ARMH4: variants seen among roughly 807,000 people sequenced by gnomAD.
The protein encoded by ARMH4 is armadillo like helical domain containing 4.
Under a neutral mutation model 61.9 loss-of-function variants are expected in ARMH4, and 49 were observed. That is an observed-to-expected ratio of 0.79 (90% CI 0.63 to 1.00). The LOEUF (loss-of-function observed/expected upper bound fraction) is 1.00. ARMH4 is among the 50% of genes least tolerant of loss of function. The pLI is 0.00. For missense variants in ARMH4, 934 were observed against 930.0 expected, an observed-to-expected ratio of 1.00 and a Z score of -0.06; for synonymous variants, 368 against 341.5, an observed-to-expected ratio of 1.08 and a Z score of -0.85.
chr14:58,122,523 C>T (rs1037694515), intron 4 of ARMH4, among the ~76,000 whole-genome samples: 1 of 152,116 alleles, frequency 6.6e-6, no homozygotes, highest in South Asian at 2.1e-4. Context: ...CAAAAGTCCA[C>T]CTTAGGCCCG....
chr14:58,078,880 T>C (rs1042080052), intron 5 of ARMH4, among the ~76,000 whole-genome samples: 3 of 152,174 alleles, frequency 2.0e-5, no homozygotes, highest in African/African-American at 7.2e-5. Flanking sequence ...CAGAAACTGG[T>C]TGAAACATAG....
intron 5 of ARMH4, among the ~76,000 whole-genome samples, chr14:58,039,897 T>C (rs574518507): frequency 6.6e-6 from 1 of 152,232 alleles, no homozygotes; most frequent in East Asian, 1.9e-4. Context: ...TAAATTTTAA[T>C]AGGAAAGTGG....
At chr14:58,103,589 G>T (rs1275360396) in intron 4 of ARMH4, among the ~76,000 whole-genome samples, 1 of 125,490 alleles carries the variant, frequency 8.0e-6, no homozygotes, top group Non-Finnish European at 1.8e-5. Flanking sequence ...TGTCCAAAAA[G>T]AGCACTATAT....
intron 5 of ARMH4, among the ~76,000 whole-genome samples, chr14:58,095,857 A>G (rs962498818): frequency 2.0e-5 from 3 of 152,226 alleles, no homozygotes; most frequent in African/African-American, 7.2e-5. Flanking sequence ...CATCTGCCAC[A>G]CTGAAGGAAT....
chr14:58,148,863 ACACAC>A (rs1887833245), intron 1 of ARMH4, among the ~76,000 whole-genome samples: 1 of 151,948 alleles, frequency 6.6e-6, no homozygotes. Flanking sequence ...ACACACACAC[ACACAC>A]ACACACACAC....
At chr14:58,026,189 T>C (rs1275494325) in intron 5 of ARMH4, among the ~76,000 whole-genome samples, 1 of 152,078 alleles carries the variant, frequency 6.6e-6, no homozygotes, top group Non-Finnish European at 1.5e-5. Flanking sequence ...GGGAAATATA[T>C]GACACATAAA....
intron 4 of ARMH4, among the ~76,000 whole-genome samples, chr14:58,115,736 T>TA (rs1178927699): frequency 6.6e-6 from 1 of 152,148 alleles, no homozygotes; most frequent in Admixed American, 6.5e-5. Context: ...TATGCAGCCA[T>TA]AAAAAATCAT....
At chr14:58,111,036 G>A in intron 4 of ARMH4, among the ~76,000 whole-genome samples, 1 of 151,706 alleles carries the variant, frequency 6.6e-6, no homozygotes, top group Admixed American at 6.6e-5. Context: ...TTACAGGCGT[G>A]AGCCACCACG....
chr14:58,109,643 T>C (rs879922955), intron 4 of ARMH4, among the ~76,000 whole-genome samples: 9 of 152,244 alleles, frequency 5.9e-5, no homozygotes, highest in Non-Finnish European at 1.3e-4. Context: ...CTCTTCCATA[T>C]AAATTTTATC....
At chr14:58,103,834 A>C (rs2141275993) in intron 4 of ARMH4, among the ~76,000 whole-genome samples, 1 of 152,232 alleles carries the variant, frequency 6.6e-6, no homozygotes, top group South Asian at 2.1e-4. Flanking sequence ...TGCACTGATA[A>C]AACAATTGTG....
intron 5 of ARMH4, among the ~76,000 whole-genome samples, chr14:58,064,712 GAA>G (rs1386362027): frequency 6.6e-6 from 1 of 152,128 alleles, no homozygotes; most frequent in Non-Finnish European, 1.5e-5. Flanking sequence ...TTGATTTTTT[GAA>G]AGAGTGAGGA....
intron 5 of ARMH4, among the ~76,000 whole-genome samples, chr14:58,021,488 C>T (rs560833014): frequency 3.2e-4 from 48 of 152,316 alleles, no homozygotes; most frequent in Admixed American, 8.5e-4. Context: ...TTGTAAGTTG[C>T]ACTGTCTCAG....
At chr14:58,032,849 T>C (rs1291522501) in intron 5 of ARMH4, among the ~76,000 whole-genome samples, 1 of 151,994 alleles carries the variant, frequency 6.6e-6, no homozygotes, top group East Asian at 1.9e-4. Flanking sequence ...CAGACCGGCT[T>C]AACAAACGGC....
At chr14:58,055,254 T>G (rs904237425) in intron 5 of ARMH4, among the ~76,000 whole-genome samples, 8 of 152,198 alleles carry the variant, frequency 5.3e-5, no homozygotes, top group African/African-American at 1.9e-4. Context: ...TCTCATAGAT[T>G]AATTCTGAGA....
rs897002996 is a variant in ARMH4, at chr14:58,004,071, T to C, written c.*665A>G. Reference sequence around the variant, plus strand: ...AACGTACATTAAGACTAAGAGTCAGTTTAATGTATTATTTCTAGTGCATTT... The same window carrying C: ...AACGTACATTAAGACTAAGAGTCAGCTTAATGTATTATTTCTAGTGCATTT... On this transcript the variant is annotated 3_prime_UTR_variant, in exon 8 of 8. Coordinates refer to ENST00000267485, the MANE Select transcript of ARMH4 (RefSeq NM_001001872.4). The C allele has an allele frequency of 1.3e-5, 2 of 152,172 alleles. No individual in the cohort carries two copies. The highest frequency in any genetic ancestry group is 6.5e-5 in the Admixed American group (1 of 15,280). The allele number at this position is 152,172 out of a possible 1,614,324, so 9.4% of individuals were successfully genotyped here. A position where few individuals can be genotyped will look rare whatever the true frequency, so the allele number is the denominator to read the frequency against.
Position 58,133,331 on chromosome 14 carries a change from A to G in ARMH4, c.1380T>C (p.Thr460=). The G allele has an allele frequency of 6.2e-7, 1 of 1,613,354 alleles. No individual in the cohort carries two copies. Among genetic ancestry groups the G allele is most frequent in the East Asian group, 2.2e-5 (1 of 44,818 alleles). Reference sequence around the variant, plus strand: ...CTTGAACAGCTGTTGTCATCTCTTGAGTGATGATGTCTTAAAGGGGGGAAA... The same window carrying G: ...CTTGAACAGCTGTTGTCATCTCTTGGGTGATGATGTCTTAAAGGGGGGAAA... The part of the protein sequence containing the change: ...LLGNTMKDII[T]QEMTTAVQEP... Residue 460 remains threonine, a synonymous_variant, in exon 3 of 8, where the codon ACT becomes ACC. Coordinates refer to ENST00000267485, the MANE Select transcript of ARMH4 (RefSeq NM_001001872.4).
chr14:58,071,544 G>A (rs1055836666), intron 5 of ARMH4, among the ~76,000 whole-genome samples: 24 of 152,044 alleles, frequency 1.6e-4, no homozygotes, highest in African/African-American at 5.8e-4. Context: ...TTGTGTTTTA[G>A]GCTGACTTTG....
intron 5 of ARMH4, among the ~76,000 whole-genome samples, chr14:58,071,067 T>C (rs886801169): frequency 6.6e-6 from 1 of 151,716 alleles, no homozygotes; most frequent in Non-Finnish European, 1.5e-5. Context: ...GCCATACCTT[T>C]TATAATGTGA....
intron 3 of ARMH4, 36 bp from the exon 4 acceptor site, chr14:58,131,757 A>T (rs751451261): frequency 6.3e-7 from 1 of 1,575,974 alleles, no homozygotes; most frequent in Non-Finnish European, 8.7e-7. Flanking sequence ...GACCCACAAG[A>T]TAATCATTAT....
Sources: allele counts gnomAD v4.1 joint callset (sites outside exome capture counted in the v4.1 genomes callset), GRCh38; gene constraint gnomAD v4.1.1; transcripts MANE v1.5; gene names NCBI Gene and HGNC (gene_info 2026-07-23, HGNC 2026-07-21).